DENND2A: variants seen among roughly 807,000 people sequenced by gnomAD.
DENND2A encodes DENN domain containing 2A, also known as DENN domain-containing protein 2A.
A neutral mutation model predicts 105.3 loss-of-function variants in DENND2A; 53 were observed. That is an observed-to-expected ratio of 0.50 (90% CI 0.40 to 0.63). The LOEUF is 0.63. DENND2A is among the 30% of genes least tolerant of loss of function. DENND2A has a pLI of 0.00. For synonymous variants in DENND2A, 522 were observed against 508.4 expected (o/e 1.03, Z -0.36); for missense variants, 1,138 against 1,279.6 (o/e 0.89, Z 1.69).
chr7:140,610,965 G>T (rs902950983), intron 1 of DENND2A, among the ~76,000 whole-genome samples: 2 of 152,254 alleles, frequency 1.3e-5, no homozygotes. Flanking sequence ...AGCCTTAAGG[G>T]CTAGGAGCCC....
At chr7:140,533,766 C>G (rs1406399515) in intron 14 of DENND2A, among the ~76,000 whole-genome samples, 4 of 152,252 alleles carry the variant, frequency 2.6e-5, no homozygotes, top group Non-Finnish European at 4.4e-5. Context: ...TAGTCTGATC[C>G]CACTGTTGTG....
At chr7:140,560,147 G>A (rs1797555138) in intron 9 of DENND2A, among the ~76,000 whole-genome samples, 2 of 152,222 alleles carry the variant, frequency 1.3e-5, no homozygotes, top group Non-Finnish European at 2.9e-5. Context: ...GAATCTGGAA[G>A]GCAGAGCCTC....
At chr7:140,630,132 A>G (rs1448374564) in intron 1 of DENND2A, among the ~76,000 whole-genome samples, 2 of 150,094 alleles carry the variant, frequency 1.3e-5, no homozygotes, top group Admixed American at 6.6e-5. Flanking sequence ...TTTTTTTAAG[A>G]CAGGGTCTCA....
chr7:140,610,573 T>C (rs915957813), intron 1 of DENND2A, among the ~76,000 whole-genome samples: 5 of 152,198 alleles, frequency 3.3e-5, no homozygotes, highest in Non-Finnish European at 7.3e-5. Flanking sequence ...TCCAGGCTTA[T>C]CTCTGAACAC....
Position 140,533,953 on chromosome 7 carries a change from G to A in DENND2A, c.2328-6458C>T, listed in dbSNP as rs775844285. 3.3e-5 allele frequency among the ~76,000 whole-genome samples: 5 copies of A among 152,054 alleles called. No individual in the cohort carries two copies. The East Asian group carries it at 7.7e-4, about 24-fold the overall frequency. ...TTTTTAGATGGAGTCTCACTCTGTC[G>A]CCCAGACTGGAGTGCAGTGGCACGA... On this transcript the variant is annotated intron_variant, in intron 14 of 19. Coordinates refer to ENST00000496613, the MANE Select transcript of DENND2A (RefSeq NM_015689.5).
Position 140,569,728 on chromosome 7 carries a change from C to T in DENND2A, c.1457G>A (p.Arg486Gln), listed in dbSNP as rs745638913. 1.4e-5 allele frequency: 23 copies of T among 1,611,486 alleles called. No individual in the cohort carries two copies. In the East Asian group the frequency reaches 2.0e-4, roughly 14 times the overall value. ...CCGGACCTCATAAATGGCGTTGATT[C>T]GCAACACCAGCTGCCAGACACCAGG... ...KKRKIPKLVL[R>Q]INAIYEVRRG... Residue 486 changes from arginine (R) to glutamine (Q), a missense_variant, in exon 7 of 20, where the codon CGA becomes CAA. By Grantham distance (43) the Arg-to-Gln change is conservative. Around this residue, in one of 2 missense-constraint regions of DENND2A, gnomAD observed 627 missense variants for 779.8 expected, o/e 0.80. Coordinates refer to ENST00000496613, the MANE Select transcript of DENND2A (RefSeq NM_015689.5).
chr7:140,615,119 G>A (rs1205419582), intron 1 of DENND2A, among the ~76,000 whole-genome samples: 1 of 152,114 alleles, frequency 6.6e-6, no homozygotes, highest in Non-Finnish European at 1.5e-5. Flanking sequence ...CTCCTGCTTT[G>A]CCCTTCCAAA....
intron 17 of DENND2A, among the ~76,000 whole-genome samples, chr7:140,522,439 G>C (rs374678261): frequency 2.6e-5 from 4 of 151,518 alleles, no homozygotes; most frequent in African/African-American, 9.7e-5. Context: ...TCAGCCTCCC[G>C]AGTAGCTGGG....
intron 15 of DENND2A, among the ~76,000 whole-genome samples, chr7:140,526,790 C>G (rs1433433505): frequency 6.6e-6 from 1 of 152,160 alleles, no homozygotes; most frequent in Non-Finnish European, 1.5e-5. Context: ...ATTATTTAAG[C>G]TTCCTTCTCT....
chr7:140,559,838 G>C lies in DENND2A; in HGVS notation c.1780-21C>G. On this transcript the variant is annotated intron_variant, in intron 9 of 19. Coordinates refer to ENST00000496613, the MANE Select transcript of DENND2A (RefSeq NM_015689.5). This position sits in a 1 kb window ranked among gnomAD's most constrained non-coding sequence, Gnocchi z 4.1. ...TCCAACTGCAGGGAGAAAGGTGAGAGAAAATTCGAGAACAAATCTCAGCAT... is the reference window on the plus strand; with the variant it reads ...TCCAACTGCAGGGAGAAAGGTGAGACAAAATTCGAGAACAAATCTCAGCAT... 6.4e-7 allele frequency: 1 copy of C among 1,553,942 alleles called. No homozygotes were observed. The highest frequency in any genetic ancestry group is 8.9e-7 in the Non-Finnish European group (1 of 1,125,698).
chr7:140,630,108 C>T (rs571758403), intron 1 of DENND2A, among the ~76,000 whole-genome samples: 112 of 151,258 alleles, frequency 7.4e-4, no homozygotes, highest in Non-Finnish European at 1.4e-3. Flanking sequence ...TGAGCCACTG[C>T]GCCAGGTCTT....
At chr7:140,544,207 G>A (rs1796797922) in intron 14 of DENND2A, 4 of 280,480 alleles carry the variant, frequency 1.4e-5, no homozygotes, top group Non-Finnish European at 2.8e-5. Context: ...TTATTTGTGG[G>A]GGCAGGAGGG....
Position 140,569,626 on chromosome 7 carries a change from C to T in DENND2A, c.1540+19G>A, listed in dbSNP as rs141096765. The T allele has an allele frequency of 6.5e-7, 1 of 1,536,528 alleles. No individual in the cohort carries two copies. Among genetic ancestry groups the T allele is most frequent in the Non-Finnish European group, 9.0e-7 (1 of 1,109,428 alleles). On this transcript the variant is annotated intron_variant, in intron 7 of 19. Transcript: ENST00000496613. ...TTTTCCGATTCTTGCGGGAGGAGGG[C>T]TGGTGGTGGGGGTTCTACCTTTTCC...
chr7:140,622,924 A>G (rs1225128281), intron 1 of DENND2A, among the ~76,000 whole-genome samples: 8 of 152,254 alleles, frequency 5.3e-5, no homozygotes, highest in Non-Finnish European at 1.2e-4. Context: ...AGCTGAGTAA[A>G]CTTTGGCTGC....
intron 1 of DENND2A, among the ~76,000 whole-genome samples, chr7:140,614,222 G>T (rs1049934031): frequency 6.6e-6 from 1 of 152,108 alleles, no homozygotes; most frequent in African/African-American, 2.4e-5. Flanking sequence ...TTGTAACTCA[G>T]CCTCCTGAGC....
chr7:140,537,525 T>C (rs1433788662), intron 14 of DENND2A, among the ~76,000 whole-genome samples: 1 of 152,212 alleles, frequency 6.6e-6, no homozygotes, highest in Non-Finnish European at 1.5e-5. Context: ...CTCACTAGCC[T>C]CAAACTCCTG....
intron 17 of DENND2A, among the ~76,000 whole-genome samples, chr7:140,522,771 C>A (rs1795909454): frequency 6.6e-6 from 1 of 150,936 alleles, no homozygotes. Flanking sequence ...CTATGGCCAG[C>A]TAATTTTTGT....
chr7:140,599,196 G>T (rs916644970), intron 3 of DENND2A, among the ~76,000 whole-genome samples: 3 of 152,054 alleles, frequency 2.0e-5, no homozygotes, highest in African/African-American at 7.2e-5. Context: ...AAATTAGCCA[G>T]GCGTGGTGGC....
intron 14 of DENND2A, among the ~76,000 whole-genome samples, chr7:140,542,508 C>T (rs138163361): frequency 2.0e-5 from 3 of 152,060 alleles, no homozygotes; most frequent in South Asian, 2.1e-4. Flanking sequence ...CTCCCTCCCC[C>T]ATCTTCCTCT....
Sources: gnomAD v4.1 joint callset for allele counts (sites outside exome capture counted in the v4.1 genomes callset) on GRCh38, gnomAD v4.1.1 for gene constraint, gnomAD v4.1.1 regional missense constraint, Gnocchi (gnomAD v3.1) non-coding constraint, MANE v1.5 for transcripts, NCBI Gene and HGNC (gene_info 2026-07-23, HGNC 2026-07-21) for gene names.